Variants in CEP128 observed in about 807,000 individuals in gnomAD.
CEP128 encodes centrosomal protein 128kDa.
CEP128 carries 132 observed loss-of-function variants against 156.7 expected under a neutral mutation model. The ratio of observed to expected loss-of-function variants is 0.84; its 90% CI spans 0.73 to 0.97. The LOEUF (loss-of-function observed/expected upper bound fraction) is 0.97, where lower values mean the gene tolerates loss of function less well. CEP128 is among the 50% of genes least tolerant of loss of function. The pLI, the probability that CEP128 is intolerant of heterozygous loss-of-function variation, is 0.00. For missense variants in CEP128, 1,252 were observed against 1,281.9 expected (o/e 0.98, Z 0.36); for synonymous variants, 469 against 448.9 (o/e 1.04, Z -0.57).
chr14:80,519,718 T>G (rs1888649611), intron 23 of CEP128, among the ~76,000 whole-genome samples: 1 of 152,204 alleles, frequency 6.6e-6, no homozygotes, highest in African/African-American at 2.4e-5. Flanking sequence ...GCTGCTATTT[T>G]ACATTTTTAA....
chr14:80,664,221 T>TGAGGGCCTCAAGAAAAGAAAAGAAGGC (rs1895519121), intron 19 of CEP128, among the ~76,000 whole-genome samples: 1 of 152,076 alleles, frequency 6.6e-6, no homozygotes, highest in Admixed American at 6.6e-5. Context: ...AAAAAGATGG[T>TGAGGGCCTCAAGAAAAGAAAAGAAGGC]GAGGGCCTCA....
chr14:80,792,697 GGATA>G (rs2139843513), intron 14 of CEP128, 59 bp downstream of exon 14: 1 of 1,357,584 alleles, frequency 7.4e-7, no homozygotes, highest in African/African-American at 1.4e-5. Context: ...TTTTTTCAAA[GGATA>G]GATGAATGAA....
chr14:80,814,237 C>A (rs1884720637), intron 13 of CEP128, among the ~76,000 whole-genome samples: 1 of 152,020 alleles, frequency 6.6e-6, no homozygotes. Flanking sequence ...ATTGCTTCTG[C>A]CCTCGTCTCT....
chr14:80,706,775 T>C (rs2139389625), intron 19 of CEP128, among the ~76,000 whole-genome samples: 1 of 152,248 alleles, frequency 6.6e-6, no homozygotes, highest in Non-Finnish European at 1.5e-5. Context: ...GATATAAACA[T>C]TGAGTCTTTT....
intron 13 of CEP128, among the ~76,000 whole-genome samples, chr14:80,807,849 A>T (rs777047807): frequency 1.3e-5 from 2 of 152,242 alleles, no homozygotes; most frequent in Non-Finnish European, 2.9e-5. Flanking sequence ...ACATCTACAC[A>T]TCCTGGGTGC....
intron 19 of CEP128, among the ~76,000 whole-genome samples, chr14:80,590,111 T>C (rs1394005443): frequency 6.6e-6 from 1 of 152,122 alleles, no homozygotes; most frequent in South Asian, 2.1e-4. Context: ...ACCTGCAGCA[T>C]GGCTTAGAGT....
In CEP128 at chr14:80,760,969, C is replaced by A. The variant is rs1025264284; in HGVS notation, c.2553+468G>T. On this transcript the variant is annotated intron_variant, in intron 17 of 24. Transcript: ENST00000555265. ...ACAGCCAAGGGCAAGTTACTTAAAC[C>A]GTCTAAACCTCCCTTTCTCTTAAGT... Among the ~76,000 whole-genome samples, 3 of 152,148 alleles carry A rather than the reference C, an allele frequency of 2.0e-5. No individual in the cohort carries two copies. The East Asian group carries it at 5.8e-4, about 29-fold the overall frequency.
At chr14:80,647,489 C>T (rs8013202) in intron 19 of CEP128, among the ~76,000 whole-genome samples, 92,664 of 151,648 alleles carry the variant, frequency 0.61, 28,819 homozygotes, top group Non-Finnish European at 0.66. Context: ...TTCCCTGAAC[C>T]CTAATATTTT....
intron 19 of CEP128, among the ~76,000 whole-genome samples, chr14:80,704,227 G>A (rs1357240644): frequency 6.6e-6 from 1 of 151,886 alleles, no homozygotes; most frequent in Non-Finnish European, 1.5e-5. Flanking sequence ...ATTAAATTGG[G>A]ACTTAAGCAG....
At chr14:80,653,196 G>GC (rs1184134956) in intron 19 of CEP128, among the ~76,000 whole-genome samples, 1 of 152,058 alleles carries the variant, frequency 6.6e-6, no homozygotes, top group Non-Finnish European at 1.5e-5. Context: ...GAGGTGGGTG[G>GC]TAAGGGAGGG....
At chr14:80,945,065 G>C (rs1279817620), upstream of CEP128, among the ~76,000 whole-genome samples, 2 of 152,020 alleles carry the variant, frequency 1.3e-5, no homozygotes, top group African/African-American at 4.8e-5. Flanking sequence ...AAATACCACA[G>C]AATGGGTGAC....
At chr14:80,742,499 C>T (rs1444649812) in intron 19 of CEP128, among the ~76,000 whole-genome samples, 1 of 152,164 alleles carries the variant, frequency 6.6e-6, no homozygotes, top group African/African-American at 2.4e-5. Context: ...GGACACATTG[C>T]CATAATCAAT....
chr14:80,918,621 A>G (rs946878679), intron 2 of CEP128, among the ~76,000 whole-genome samples: 1 of 152,148 alleles, frequency 6.6e-6, no homozygotes, highest in Non-Finnish European at 1.5e-5. Context: ...TGTTCTTCCC[A>G]CTGTGTTCTG....
chr14:80,505,349 G>A (rs1180538954), intron 23 of CEP128, among the ~76,000 whole-genome samples: 1 of 152,006 alleles, frequency 6.6e-6, no homozygotes, highest in African/African-American at 2.4e-5. Flanking sequence ...TTTAGCTTAT[G>A]AGTTACTCTT....
intron 18 of CEP128, among the ~76,000 whole-genome samples, chr14:80,745,796 G>A (rs1053772351): frequency 3.9e-5 from 6 of 151,922 alleles, no homozygotes; most frequent in African/African-American, 1.4e-4. Context: ...TATCCAGATT[G>A]AAAAGGAAGA....
Position 80,497,558 on chromosome 14 carries a change from G to A in CEP128, c.3206C>T (p.Pro1069Leu), listed in dbSNP as rs866419681. The change falls in exon 25 of 25, where the codon CCA becomes CTA. Residue 1069 changes from proline (P) to leucine (L), a missense_variant. By Grantham distance (98) the Pro-to-Leu change is moderately conservative. Transcript: ENST00000555265. The stretch of plus-strand genomic sequence containing the variant: ...ATCTTCCTTGTTTGAAGCTGAATCT[G>A]GAGCAACAGTTCTTTTGGTAAATGC... The part of the protein sequence containing the change: ...VNSFTKRTVA[P>L]DSASNKEDAT... 4 of 1,612,700 alleles carry A rather than the reference G, an allele frequency of 2.5e-6. No homozygotes were observed. In the African/African-American group the frequency reaches 5.3e-5, roughly 22 times the overall value.
At chr14:80,802,669 T>C (rs1883946979) in intron 13 of CEP128, among the ~76,000 whole-genome samples, 1 of 151,810 alleles carries the variant, frequency 6.6e-6, no homozygotes, top group Non-Finnish European at 1.5e-5. Context: ...TTTTATTTTT[T>C]AGAAGAAATA....
intron 10 of CEP128, among the ~76,000 whole-genome samples, chr14:80,839,448 C>T (rs74064591): frequency 0.065 from 9,905 of 152,034 alleles, 1,076 homozygotes; most frequent in African/African-American, 0.23. Context: ...TGTATCCTGA[C>T]GGTGGTAGTG....
At chr14:80,951,692 T>C (rs1391153885) in intron 2 of CEP128, among the ~76,000 whole-genome samples, 1 of 152,068 alleles carries the variant, frequency 6.6e-6, no homozygotes, top group East Asian at 1.9e-4. Context: ...AAATGATCTA[T>C]ACAAACCAAA....
Sources: allele counts gnomAD v4.1 joint callset (sites outside exome capture counted in the v4.1 genomes callset), GRCh38; gene constraint gnomAD v4.1.1; transcripts MANE v1.5; gene names NCBI Gene and HGNC (gene_info 2026-07-23, HGNC 2026-07-21).